WLS: variants seen among roughly 807,000 people sequenced by gnomAD.
WLS encodes Wnt ligand secretion mediator.
In WLS, 23 loss-of-function variants were observed where a neutral mutation model predicts 62.8. That is an observed-to-expected ratio of 0.37 (90% CI 0.26 to 0.52). The LOEUF is 0.52. Among genes scored for constraint, WLS ranks in the 20% least tolerant of loss-of-function variants. The probability of loss-of-function intolerance (pLI) is 0.92; values close to 1 mark genes in which losing one functional copy is unlikely to be tolerated. For missense variants in WLS, 615 were observed against 697.3 expected, an observed-to-expected ratio of 0.88 and a Z score of 1.33; for synonymous variants, 246 against 244.1, an observed-to-expected ratio of 1.01 and a Z score of -0.07.
chr1:68,180,913 C>T (rs1174848163), intron 2 of WLS, among the ~76,000 whole-genome samples: 1 of 152,196 alleles, frequency 6.6e-6, no homozygotes, highest in Non-Finnish European at 1.5e-5. Context: ...TTACTACTAT[C>T]TCTCTACTAA....
At chr1:68,231,936 A>T in intron 1 of WLS, 3 of 364,068 alleles carry the variant, frequency 8.2e-6, no homozygotes, top group Non-Finnish European at 5.2e-6. Context: ...TAAGATTCCC[A>T]CCCCCGCCGC....
intron 1 of WLS, among the ~76,000 whole-genome samples, chr1:68,223,721 C>G (rs1464093533): frequency 6.6e-6 from 1 of 152,178 alleles, no homozygotes; most frequent in Admixed American, 6.5e-5. Flanking sequence ...AAGGAGGGCT[C>G]TGTTTCACAT....
At chr1:68,140,465 A>G (rs1456442818) in intron 10 of WLS, among the ~76,000 whole-genome samples, 2 of 152,228 alleles carry the variant, frequency 1.3e-5, no homozygotes, top group Non-Finnish European at 2.9e-5. Flanking sequence ...AGTATGCACT[A>G]TATATCCTGG....
intron 1 of WLS, among the ~76,000 whole-genome samples, chr1:68,204,293 A>G (rs1649179328): frequency 6.6e-6 from 1 of 152,160 alleles, no homozygotes; most frequent in Non-Finnish European, 1.5e-5. Context: ...TGCAGTTTTA[A>G]CATTCACATT....
chr1:68,229,034 C>T (rs530516376), intron 1 of WLS, among the ~76,000 whole-genome samples: 4 of 147,752 alleles, frequency 2.7e-5, no homozygotes, highest in South Asian at 4.5e-4. Context: ...AAGGCTACAA[C>T]GAAACAACAG....
At chr1:68,140,277 A>C (rs2566787) in intron 10 of WLS, among the ~76,000 whole-genome samples, 12 of 151,974 alleles carry the variant, frequency 7.9e-5, no homozygotes, top group African/African-American at 2.9e-4. Flanking sequence ...ATACAACACA[A>C]GGGTAGGAAT....
intron 1 of WLS, among the ~76,000 whole-genome samples, chr1:68,198,235 A>T (rs533226095): frequency 3.4e-4 from 52 of 152,304 alleles, no homozygotes; most frequent in Admixed American, 2.4e-3. Context: ...GTCACTGTAA[A>T]CTGGTTAACT....
chr1:68,124,810 CCCAGACCT>C (rs2100371007), downstream of WLS, among the ~76,000 whole-genome samples: 1 of 152,270 alleles, frequency 6.6e-6, no homozygotes, highest in East Asian at 1.9e-4. Flanking sequence ...TGGACTGTGC[CCCAGACCT>C]CCAGACCTCA....
chr1:68,170,590 T>A (rs1247613533), intron 2 of WLS, among the ~76,000 whole-genome samples: 1 of 152,086 alleles, frequency 6.6e-6, no homozygotes, highest in African/African-American at 2.4e-5. Flanking sequence ...ACAAAAGGCT[T>A]CTTTATCTGG....
intron 9 of WLS, among the ~76,000 whole-genome samples, chr1:68,144,860 CA>C (rs1232490579): frequency 4.6e-5 from 7 of 152,226 alleles, no homozygotes; most frequent in Non-Finnish European, 1.0e-4. Flanking sequence ...ATGTTCTTAT[CA>C]CTCATAAAGC....
rs1646037133 is a variant in WLS at position 68,098,565 on chromosome 1, A to T, written c.*67T>A. 7.5e-6 allele frequency: 12 copies of T among 1,593,632 alleles called. No individual in the cohort carries two copies. In the Admixed American group the frequency reaches 2.1e-4, roughly 27 times the overall value. On this transcript the variant is annotated 3_prime_UTR_variant, in exon 12 of 12. Transcript: ENST00000354777. Reference sequence around the variant, plus strand: ...AATGAGTGTATTTGTGTGCGTATACAAGTACAATCAATGTGACTGTGACAA... The same window carrying T: ...AATGAGTGTATTTGTGTGCGTATACTAGTACAATCAATGTGACTGTGACAA...
intron 1 of WLS, among the ~76,000 whole-genome samples, chr1:68,209,607 C>T (rs1361896556): frequency 2.6e-5 from 4 of 152,012 alleles, no homozygotes; most frequent in Non-Finnish European, 5.9e-5. Flanking sequence ...GGAGAAAACC[C>T]GTCTCTACTA....
At chr1:68,217,163 C>T (rs1419802724) in intron 1 of WLS, among the ~76,000 whole-genome samples, 1 of 152,164 alleles carries the variant, frequency 6.6e-6, no homozygotes, top group Non-Finnish European at 1.5e-5. Context: ...GGAAAACACA[C>T]CTACAGCATT....
chr1:68,202,257 T>A (rs143006255), intron 1 of WLS: 1 of 152,066 alleles, frequency 6.6e-6, no homozygotes, highest in Non-Finnish European at 1.5e-5. Flanking sequence ...TTGGTGCTAG[T>A]TTTTTACCCT....
chr1:68,132,345 TC>T (rs1646539397), intron 11 of WLS, among the ~76,000 whole-genome samples: 1 of 152,122 alleles, frequency 6.6e-6, no homozygotes, highest in Admixed American at 6.5e-5. Flanking sequence ...ACAAGACCAA[TC>T]CCATCAGTGC....
chr1:68,223,895 G>C (rs1650037343), intron 1 of WLS, among the ~76,000 whole-genome samples: 1 of 152,216 alleles, frequency 6.6e-6, no homozygotes. Context: ...CAAGGCAGCA[G>C]TTAACTGGCC....
Position 68,227,569 on chromosome 1 carries a change from A to G in WLS, c.106+4625T>C, listed in dbSNP as rs532478522. On this transcript the variant is annotated intron_variant, in intron 1 of 11. Coordinates refer to ENST00000262348, the MANE Select transcript of WLS (RefSeq NM_024911.7). ...TCTTTTTAAGAGTTTACAAAAGAGT[A>G]AATTAAAAACATGCTCTTTTAAAAA... 1.1e-4 allele frequency among the ~76,000 whole-genome samples: 16 copies of G among 151,954 alleles called. No individual in the cohort carries two copies. The South Asian group carries it at 1.2e-3, about 12-fold the overall frequency.
intron 2 of WLS, among the ~76,000 whole-genome samples, chr1:68,182,459 A>T (rs1647641364): frequency 6.6e-6 from 1 of 152,222 alleles, no homozygotes; most frequent in South Asian, 2.1e-4. Flanking sequence ...GCAAACAAAC[A>T]TCATGTCCCT....
chr1:68,140,967 GC>G (rs1646677205), intron 10 of WLS, among the ~76,000 whole-genome samples: 1 of 121,448 alleles, frequency 8.2e-6, no homozygotes, highest in African/African-American at 3.2e-5. Flanking sequence ...GGTAGCCCCA[GC>G]CCCCCTCCGC....
Sources: gnomAD v4.1 joint callset for allele counts (sites outside exome capture counted in the v4.1 genomes callset) on GRCh38, gnomAD v4.1.1 for gene constraint, MANE v1.5 for transcripts, NCBI Gene and HGNC (gene_info 2026-07-23, HGNC 2026-07-21) for gene names.